PTPRD: variants seen among roughly 807,000 people sequenced by gnomAD.
PTPRD encodes receptor-type tyrosine-protein phosphatase delta.
PTPRD carries 34 observed loss-of-function variants against 214.5 expected under a neutral mutation model. The observed-to-expected ratio is 0.16, with a 90% CI of 0.12 to 0.21. PTPRD has a LOEUF of 0.21. Ranked by LOEUF, PTPRD falls within the 10% of genes least tolerant of loss-of-function variation. The pLI, the probability that PTPRD is intolerant of heterozygous loss-of-function variation, is 1.00. For missense variants in PTPRD, 2,545 were observed against 2,398.7 expected, an observed-to-expected ratio of 1.06 and a Z score of -1.27; for synonymous variants, 1,128 against 845.7, an observed-to-expected ratio of 1.33 and a Z score of -5.79.
intron 11 of PTPRD, among the ~76,000 whole-genome samples, chr9:8,872,445 T>G (rs2098317922): frequency 6.6e-6 from 1 of 152,174 alleles, no homozygotes; most frequent in Non-Finnish European, 1.5e-5. Context: ...ATTATTACAA[T>G]CCTGTGTAAA....
chr9:9,550,408 A>AT (rs1467951348), intron 8 of PTPRD, among the ~76,000 whole-genome samples: 42 of 121,062 alleles, frequency 3.5e-4, no homozygotes, highest in African/African-American at 9.7e-4. Context: ...TGAAATGTAT[A>AT]ATTTTATATA....
intron 5 of PTPRD, among the ~76,000 whole-genome samples, chr9:9,890,841 C>T (rs2073052164): frequency 6.6e-6 from 1 of 152,092 alleles, no homozygotes. Flanking sequence ...AACACTATAT[C>T]CTTCAGACAC....
In PTPRD at chr9:8,524,947, A is replaced by C; in HGVS notation, c.657T>G (p.Ala219=). Residue 219 remains alanine (A), a synonymous_variant, in exon 18 of 46, where the codon GCT becomes GCG. Coordinates refer to ENST00000381196, the MANE Select transcript of PTPRD (RefSeq NM_002839.4). ...ATNSAGTRYS[A]PANLYVRELR... is the part of the protein sequence containing the mutation. ...TACCTCTGACATATAAATTGGCAGG[A>C]GCGGAATAGCGAGTGCCCGCGCTGT... The C allele has an allele frequency of 6.2e-7, 1 of 1,613,626 alleles. No individual in the cohort carries two copies. The highest frequency in any genetic ancestry group is 8.5e-7 in the Non-Finnish European group (1 of 1,179,654).
chr9:8,540,062 G>A (rs1357384157), intron 14 of PTPRD, among the ~76,000 whole-genome samples: 2 of 152,086 alleles, frequency 1.3e-5, no homozygotes, highest in East Asian at 3.9e-4. Flanking sequence ...AAGGCATCAT[G>A]TCGGCAATTA....
intron 6 of PTPRD, among the ~76,000 whole-genome samples, chr9:9,762,754 A>G (rs2098670438): frequency 6.6e-6 from 1 of 152,212 alleles, no homozygotes; most frequent in Non-Finnish European, 1.5e-5. Flanking sequence ...CTTTATTATC[A>G]AGATGTGAAG....
intron 2 of PTPRD, among the ~76,000 whole-genome samples, chr9:10,469,663 T>C (rs2099017315): frequency 6.6e-6 from 1 of 152,070 alleles, no homozygotes; most frequent in Non-Finnish European, 1.5e-5. Flanking sequence ...GCTGAGTATA[T>C]ATCCAAAAGA....
chr9:10,555,455 G>A (rs536515904), intron 2 of PTPRD, among the ~76,000 whole-genome samples: 2 of 152,218 alleles, frequency 1.3e-5, no homozygotes, highest in South Asian at 2.1e-4. Context: ...ACTTAACTGG[G>A]GGTATTCCCT....
chr9:9,533,131 A>G (rs1030056892), intron 8 of PTPRD, among the ~76,000 whole-genome samples: 2 of 152,054 alleles, frequency 1.3e-5, no homozygotes, highest in African/African-American at 4.8e-5. Flanking sequence ...TTGTTTATAT[A>G]TTTCTTTCTC....
chr9:9,421,201 C>G (rs1362027804), intron 8 of PTPRD, among the ~76,000 whole-genome samples: 1 of 151,614 alleles, frequency 6.6e-6, no homozygotes, highest in East Asian at 1.9e-4. Flanking sequence ...TTGCCTTTAA[C>G]AAACACTAAA....
intron 8 of PTPRD, among the ~76,000 whole-genome samples, chr9:9,516,711 T>C (rs2096847684): frequency 1.3e-5 from 2 of 151,912 alleles, no homozygotes; most frequent in Admixed American, 1.3e-4. Flanking sequence ...TTAATTTTTG[T>C]ATTTTTAGTA....
chr9:9,507,456 T>C (rs958375445), intron 8 of PTPRD, among the ~76,000 whole-genome samples: 2 of 150,636 alleles, frequency 1.3e-5, no homozygotes, highest in South Asian at 4.2e-4. Flanking sequence ...TAGAGAAAAA[T>C]AAAAATACTC....
chr9:9,735,462 A>T (rs1463281889), intron 6 of PTPRD, among the ~76,000 whole-genome samples: 3 of 152,140 alleles, frequency 2.0e-5, no homozygotes, highest in Non-Finnish European at 4.4e-5. Flanking sequence ...TAAGTGTGAA[A>T]GGAGTTGACA....
intron 8 of PTPRD, among the ~76,000 whole-genome samples, chr9:9,419,257 G>A (rs7855884): frequency 1.3e-5 from 2 of 150,916 alleles, no homozygotes; most frequent in East Asian, 3.9e-4. Flanking sequence ...CAGTCTCATT[G>A]TAAGAAAGAA....
intron 9 of PTPRD, among the ~76,000 whole-genome samples, chr9:9,357,577 A>G (rs944236372): frequency 1.3e-5 from 2 of 151,240 alleles, no homozygotes; most frequent in Non-Finnish European, 3.0e-5. Flanking sequence ...AAAAGACCAT[A>G]TAAGAATCAG....
chr9:8,864,496 G>A lies in PTPRD; in HGVS notation c.-103-130550C>T, dbSNP rs145530345. 2.8e-3 allele frequency among the ~76,000 whole-genome samples: 429 copies of A among 152,286 alleles called. 1 individual carries two copies. The highest frequency in any genetic ancestry group is 4.9e-3 in the Non-Finnish European group (331 of 68,030). ...TTTTCAAAGCTAGTAAGACTTCTGCGTCCACCAACCAACTTTAGCTCTTAC... is the reference window on the plus strand; with the variant it reads ...TTTTCAAAGCTAGTAAGACTTCTGCATCCACCAACCAACTTTAGCTCTTAC... On this transcript the variant is annotated intron_variant, in intron 11 of 45. Coordinates refer to ENST00000381196, the MANE Select transcript of PTPRD (RefSeq NM_002839.4).
rs142220511 is a variant in PTPRD, at chr9:9,860,988, C to T, written c.-368+77519G>A. The stretch of plus-strand genomic sequence containing the variant: ...ATTGGATTATTAAAAAATAACAGAA[C>T]TGTTGGAAAAATAGACATTATAGTT... On this transcript the variant is annotated intron_variant, in intron 5 of 45. Transcript: ENST00000381196. Among the ~76,000 whole-genome samples the T allele has an allele frequency of 9.9e-5, 15 of 152,242 alleles. No individual in the cohort carries two copies. The East Asian group carries it at 2.3e-3, about 24-fold the overall frequency.
intron 10 of PTPRD, among the ~76,000 whole-genome samples, chr9:9,154,479 G>A (rs553878009): frequency 2.8e-4 from 43 of 152,140 alleles, no homozygotes; most frequent in Non-Finnish European, 5.7e-4. Context: ...GAGAGCAAGT[G>A]CTAGCCTTCT....
intron 4 of PTPRD, among the ~76,000 whole-genome samples, chr9:9,959,410 A>C (rs7027691): frequency 0.23 from 34,440 of 152,098 alleles, 5,136 homozygotes; most frequent in African/African-American, 0.43. Flanking sequence ...AGTTTTACTG[A>C]TATTGTAATG....
At chr9:9,391,602 G>C (rs905488000) in intron 9 of PTPRD, among the ~76,000 whole-genome samples, 1 of 152,100 alleles carries the variant, frequency 6.6e-6, no homozygotes, top group Non-Finnish European at 1.5e-5. Flanking sequence ...GTACATGTGA[G>C]TCCTCATTTG....
Sources: allele counts gnomAD v4.1 joint callset (sites outside exome capture counted in the v4.1 genomes callset), GRCh38; gene constraint gnomAD v4.1.1; transcripts MANE v1.5; gene names NCBI Gene and HGNC (gene_info 2026-07-23, HGNC 2026-07-21).